Variants in RUVBL1 observed in about 807,000 individuals in gnomAD.
RUVBL1 encodes the protein RuvB like AAA ATPase 1, also known as ruvB-like 1.
RUVBL1 carries 4 observed loss-of-function variants against 52.4 expected under a neutral mutation model. The observed-to-expected ratio is 0.08, with a 90% confidence interval of 0.04 to 0.17. RUVBL1 has a LOEUF of 0.17. Ranked by LOEUF, RUVBL1 falls within the 10% of genes least tolerant of loss-of-function variation. The pLI, the probability that RUVBL1 is intolerant of heterozygous loss-of-function variation, is 1.00. For synonymous variants in RUVBL1, 217 were observed against 214.4 expected (o/e 1.01, Z -0.10); for missense variants, 298 against 572.8 (o/e 0.52, Z 4.90).
intron 4 of RUVBL1, among the ~76,000 whole-genome samples, chr3:128,101,997 G>GT (rs1943118584): frequency 1.3e-5 from 2 of 152,230 alleles, no homozygotes; most frequent in Non-Finnish European, 2.9e-5. Context: ...CCTGGCTGCC[G>GT]TGAGACGGGT....
intron 1 of RUVBL1, among the ~76,000 whole-genome samples, chr3:128,150,873 T>TTCTATATGTATAATATA: frequency 1.3e-5 from 1 of 76,648 alleles, no homozygotes; most frequent in African/African-American, 6.1e-5. Context: ...ATTATATATA[T>TTCTATATGTATAATATA]ATATTCTATA....
chr3:128,076,570 G>C (rs1437014080), downstream of RUVBL1, among the ~76,000 whole-genome samples: 1 of 152,174 alleles, frequency 6.6e-6, no homozygotes, highest in Admixed American at 6.5e-5. The surrounding 1 kb of genome is among the most constrained non-coding windows in gnomAD (Gnocchi z 6.8). Context: ...TGGTGGACCT[G>C]GTGGCTGAGG....
chr3:128,115,605 T>A (rs2107710737), intron 2 of RUVBL1, among the ~76,000 whole-genome samples: 1 of 152,282 alleles, frequency 6.6e-6, no homozygotes. Context: ...GCTGAGCACT[T>A]CTCATATTTC....
At chr3:128,124,665 G>A (rs1423630016), upstream of RUVBL1, among the ~76,000 whole-genome samples, 1 of 152,182 alleles carries the variant, frequency 6.6e-6, no homozygotes, top group Non-Finnish European at 1.5e-5. Context: ...TGGGGATACA[G>A]GGATAAAAGT....
chr3:128,150,868 A>C (rs376386977), intron 1 of RUVBL1, among the ~76,000 whole-genome samples: 8,740 of 73,360 alleles, frequency 0.12, 1,078 homozygotes, highest in South Asian at 0.18. Flanking sequence ...TATATATTAT[A>C]TATATATATT....
In RUVBL1 at chr3:128,105,052, T is replaced by G. The variant is rs1576461157; in HGVS notation, c.362-128A>C. On this transcript the variant is annotated intron_variant, in intron 3 of 10. Transcript: ENST00000322623. ...TAATGTACATTCCAGGGTGTCATGA[T>G]GGGTAAAAAGGCAATACAAACATAT... is the stretch of plus-strand genomic sequence containing the variant. 3 of 965,758 alleles carry G rather than the reference T, an allele frequency of 3.1e-6. No individual in the cohort carries two copies. The East Asian group carries it at 7.5e-5, about 24-fold the overall frequency. The allele number at this position is 965,758 out of a possible 1,614,324, so 59.8% of individuals were successfully genotyped here. A position where few individuals can be genotyped will look rare whatever the true frequency, so the allele number is the denominator to read the frequency against.
At chr3:128,142,953 G>A (rs1351698695) in intron 1 of RUVBL1, among the ~76,000 whole-genome samples, 1 of 152,026 alleles carries the variant, frequency 6.6e-6, no homozygotes, top group Non-Finnish European at 1.5e-5. Flanking sequence ...GCTAATTTTT[G>A]TATTTTTATT....
intron 1 of RUVBL1, among the ~76,000 whole-genome samples, chr3:128,143,195 CAG>C (rs1480390775): frequency 7.3e-6 from 1 of 137,914 alleles, no homozygotes; most frequent in African/African-American, 2.8e-5. Flanking sequence ...TTTTTTGAGA[CAG>C]AGTCTCGCTC....
In RUVBL1 at chr3:128,113,008, G is replaced by A. The variant is rs1355474115; in HGVS notation, c.241C>T (p.Leu81=). The change falls in exon 3 of 11, where the codon CTG becomes TTG. Residue 81 remains leucine, a synonymous_variant. Transcript: ENST00000322623. ...PPGTGKTALA[L]AIAQELGSKV... ...CTACCCAGCTCCTGAGCAATAGCCA[G>A]AGCCAGAGCTGTCTACAAAAGAAAG... The A allele has an allele frequency of 1.9e-6, 3 of 1,613,910 alleles. No individual in the cohort carries two copies. Among genetic ancestry groups the A allele is most frequent in the East Asian group, 2.2e-5 (1 of 44,876 alleles).
At chr3:128,109,114 G>A (rs1943316188) in intron 3 of RUVBL1, among the ~76,000 whole-genome samples, 1 of 152,234 alleles carries the variant, frequency 6.6e-6, no homozygotes, top group Non-Finnish European at 1.5e-5. Context: ...AGGAGAGGAA[G>A]GGGTTGTGAC....
At chr3:128,069,732 C>CCAT in intron 9 of RUVBL1, 1 of 1,296,120 alleles carries the variant, frequency 7.7e-7, no homozygotes, top group Non-Finnish European at 1.1e-6. Flanking sequence ...CATCATGGCG[C>CCAT]GTGCTGCTGC....
At chr3:128,128,731 A>T (rs991095497), upstream of RUVBL1, among the ~76,000 whole-genome samples, 1 of 152,210 alleles carries the variant, frequency 6.6e-6, no homozygotes, top group African/African-American at 2.4e-5. Flanking sequence ...TAAAAATTCA[A>T]TTCCTATGTA....
At chr3:128,117,260 A>G (rs1483432079) in intron 2 of RUVBL1, among the ~76,000 whole-genome samples, 1 of 152,236 alleles carries the variant, frequency 6.6e-6, no homozygotes, top group African/African-American at 2.4e-5. Flanking sequence ...AAGATAACAA[A>G]TATGAGAGGC....
At chr3:128,151,019 TATATA>T (rs1944198268) in intron 1 of RUVBL1, among the ~76,000 whole-genome samples, 1 of 97,914 alleles carries the variant, frequency 1.0e-5, no homozygotes, top group Admixed American at 1.7e-4. Context: ...ATATATTATA[TATATA>T]ATATATATTC....
At chr3:128,153,658 C>G (rs1944298295) in exon 1 of RUVBL1, 2 of 1,598,840 alleles carry the variant, frequency 1.3e-6, no homozygotes, top group Non-Finnish European at 1.7e-6. Context: ...CACGCTCGAT[C>G]TGGGCTTCTC....
chr3:128,067,299 A>G lies in RUVBL1; in HGVS notation c.940-2079T>C, dbSNP rs539228175. On this transcript the variant is annotated intron_variant, in intron 9 of 9. Coordinates refer to the RUVBL1 transcript ENST00000464873. This position sits in a 1 kb window ranked among gnomAD's most constrained non-coding sequence, Gnocchi z 4.1. ...AGCACATTAAATTATCTTTTCAGTA[A>G]AAAAATTGTACTGTGGGCACCGAGT... 5.7e-5 allele frequency: 74 copies of G among 1,305,294 alleles called. No homozygotes were observed. Among genetic ancestry groups the G allele is most frequent in the Non-Finnish European group, 7.5e-5 (70 of 937,322 alleles). The allele number at this position is 1,305,294 out of a possible 1,614,324, so 80.9% of individuals were successfully genotyped here.
chr3:128,096,966 G>A lies in RUVBL1; in HGVS notation c.1016+334C>T, dbSNP rs150291052. Among the ~76,000 whole-genome samples the A allele has an allele frequency of 2.1e-3, 316 of 152,258 alleles. 2 individuals are homozygous for A. Among genetic ancestry groups the A allele is most frequent in the African/African-American group, 6.7e-3 (280 of 41,524 alleles). On this transcript the variant is annotated intron_variant, in intron 8 of 10. Coordinates refer to ENST00000322623, the MANE Select transcript of RUVBL1 (RefSeq NM_003707.3). ...GCCAATAATGCCTACCTCTCAGAGC[G>A]CAGATGAAGACTGAAGACGTTCATG...
At chr3:128,153,784 T>C in exon 1 of RUVBL1, 1 of 1,528,310 alleles carries the variant, frequency 6.5e-7, no homozygotes, top group Non-Finnish European at 8.7e-7. Flanking sequence ...GCTGGTCGAC[T>C]GCCCCGGGCA....
At chr3:128,096,828 A>G (rs113612001) in intron 8 of RUVBL1, among the ~76,000 whole-genome samples, 2 of 145,530 alleles carry the variant, frequency 1.4e-5, no homozygotes, top group Non-Finnish European at 3.0e-5. Flanking sequence ...CTCTGTCCCC[A>G]AAAAAAAAAA....
Sources: gnomAD v4.1 joint callset for allele counts (sites outside exome capture counted in the v4.1 genomes callset) on GRCh38, gnomAD v4.1.1 for gene constraint, Gnocchi (gnomAD v3.1) non-coding constraint, MANE v1.5 for transcripts, NCBI Gene and HGNC (gene_info 2026-07-23, HGNC 2026-07-21) for gene names.